PDE1C: variants seen among roughly 807,000 people sequenced by gnomAD.
PDE1C encodes phosphodiesterase 1C, also known as dual specificity calcium/calmodulin-dependent 3',5'-cyclic nucleotide phosphodiesterase 1C.
Under a neutral mutation model 93.1 loss-of-function variants are expected in PDE1C, and 62 were observed. The ratio of observed to expected loss-of-function variants is 0.67; its 90% CI spans 0.54 to 0.82. The LOEUF is 0.82. PDE1C is among the 40% of genes least tolerant of loss of function. The pLI is 0.00. For missense variants in PDE1C, 742 were observed against 884.6 expected, an observed-to-expected ratio of 0.84 and a Z score of 2.04; for synonymous variants, 325 against 310.1, an observed-to-expected ratio of 1.05 and a Z score of -0.50.
the PDE1C span, among the ~76,000 whole-genome samples, chr7:31,698,212 A>C: frequency 6.6e-6 from 1 of 152,180 alleles, no homozygotes; most frequent in East Asian, 1.9e-4. Context: ...ATAAAGAAAA[A>C]AATTGAAAAA....
At chr7:31,706,064 G>A in the PDE1C span, among the ~76,000 whole-genome samples, 10 of 133,648 alleles carry the variant, frequency 7.5e-5, no homozygotes, top group Non-Finnish European at 1.4e-4. Flanking sequence ...GAGTGCAGTG[G>A]TGTAATCTCG....
intron 1 of PDE1C, among the ~76,000 whole-genome samples, chr7:32,222,351 G>A (rs1165706430): frequency 6.6e-6 from 1 of 152,148 alleles, no homozygotes; most frequent in Non-Finnish European, 1.5e-5. Context: ...AGACTGAGCT[G>A]CCCTCAGCAG....
chr7:32,014,813 T>C (rs897109840), intron 2 of PDE1C, among the ~76,000 whole-genome samples: 1 of 152,186 alleles, frequency 6.6e-6, no homozygotes, highest in African/African-American at 2.4e-5. Context: ...TTCTAACCAA[T>C]GGTGCTACAA....
intron 1 of PDE1C, among the ~76,000 whole-genome samples, chr7:32,229,570 C>T (rs1463861177): frequency 6.6e-6 from 1 of 152,198 alleles, no homozygotes; most frequent in Non-Finnish European, 1.5e-5. Flanking sequence ...TAATTTCAAG[C>T]ATGTTCATAT....
rs1048459285 is a variant in PDE1C at position 32,299,155 on chromosome 7, C to G, written c.-420G>C. 20 of 1,002,556 alleles carry G rather than the reference C, an allele frequency of 2.0e-5. No individual in the cohort carries two copies. In the African/African-American group the frequency reaches 3.5e-4, roughly 17 times the overall value. The allele number at this position is 1,002,556 out of a possible 1,614,324, so 62.1% of individuals were successfully genotyped here. ...TTTCTACTTCACCTTCTCCTTCCGT[C>G]TCTGGTGGCTGGGGGGATTTGGGGA... On this transcript the variant is annotated 5_prime_UTR_variant, in exon 1 of 19. Transcript: ENST00000396193.
At chr7:32,029,567 T>A (rs1163246864) in intron 2 of PDE1C, among the ~76,000 whole-genome samples, 1 of 148,102 alleles carries the variant, frequency 6.8e-6, no homozygotes, top group Non-Finnish European at 1.5e-5. Flanking sequence ...GTAAGTGTAG[T>A]GAGGGGTGGG....
chr7:32,036,269 C>T (rs565881140), intron 2 of PDE1C, among the ~76,000 whole-genome samples: 40 of 152,236 alleles, frequency 2.6e-4, no homozygotes, highest in Non-Finnish European at 5.0e-4. Context: ...ATCCATCCTA[C>T]GGGTTTACTA....
chr7:32,236,973 A>C (rs1808131396), intron 1 of PDE1C, among the ~76,000 whole-genome samples: 2 of 152,264 alleles, frequency 1.3e-5, no homozygotes, highest in Admixed American at 1.3e-4. Flanking sequence ...CAAAGGAGAA[A>C]GCTACTGATA....
chr7:32,205,948 C>G (rs1252797942), intron 2 of PDE1C, among the ~76,000 whole-genome samples: 1 of 152,190 alleles, frequency 6.6e-6, no homozygotes, highest in Non-Finnish European at 1.5e-5. Context: ...AGAACTGTAA[C>G]ACTCACCAGG....
rs565375941 is a variant in PDE1C at position 32,258,405 on chromosome 7, A to G, written c.85+40246T>C. On this transcript the variant is annotated intron_variant, in intron 1 of 18. Coordinates refer to the PDE1C transcript ENST00000396193. Reference sequence around the variant, plus strand: ...GTTGACTATTACTTGCATCTTCCATACAGGAAAAAGACAATGACTCACTCA... The same window carrying G: ...GTTGACTATTACTTGCATCTTCCATGCAGGAAAAAGACAATGACTCACTCA... Among the ~76,000 whole-genome samples the G allele has an allele frequency of 4.6e-4, 70 of 152,318 alleles. 1 individual carries two copies. Among genetic ancestry groups the G allele is most frequent in the Admixed American group, 2.9e-3 (44 of 15,304 alleles).
At chr7:31,715,887 G>A in the PDE1C span, among the ~76,000 whole-genome samples, 1 of 152,192 alleles carries the variant, frequency 6.6e-6, no homozygotes, top group African/African-American at 2.4e-5. Context: ...TGCTGGTAGT[G>A]TGGCATTAAG....
At chr7:32,244,489 T>C (rs981654776) in intron 1 of PDE1C, among the ~76,000 whole-genome samples, 5 of 152,160 alleles carry the variant, frequency 3.3e-5, no homozygotes, top group African/African-American at 1.2e-4. Flanking sequence ...ACATTGAACA[T>C]AGAAAAAGGA....
chr7:32,272,060 G>T (rs1450869), intron 1 of PDE1C, among the ~76,000 whole-genome samples: 86,559 of 152,154 alleles, frequency 0.57, 26,029 homozygotes, highest in Admixed American at 0.68. Context: ...CCTGAGAAAT[G>T]AAGAAGCTCA....
At chr7:31,657,030 T>G in the PDE1C span, among the ~76,000 whole-genome samples, 1 of 148,000 alleles carries the variant, frequency 6.8e-6, no homozygotes, top group Non-Finnish European at 1.5e-5. Context: ...GTGTAATAAA[T>G]GTATGTGTAT....
chr7:32,338,799 C>T (rs796453158), intron 1 of PDE1C, among the ~76,000 whole-genome samples: 23 of 152,142 alleles, frequency 1.5e-4, no homozygotes, highest in African/African-American at 3.6e-4. Context: ...GTCAGGAGAT[C>T]GAGACCATCC....
intron 1 of PDE1C, among the ~76,000 whole-genome samples, chr7:32,293,298 A>G (rs1419505073): frequency 1.1e-4 from 16 of 152,180 alleles, no homozygotes; most frequent in Admixed American, 1.0e-3. Flanking sequence ...TCCAAAGCCC[A>G]GGGTTTCCCA....
At chr7:31,692,232 C>T in the PDE1C span, among the ~76,000 whole-genome samples, 1 of 152,080 alleles carries the variant, frequency 6.6e-6, no homozygotes. Flanking sequence ...TTTATTTTGG[C>T]TTAAATCTCA....
At chr7:31,847,936 G>A in intron 9 of PDE1C, 32 bp downstream of exon 9, 1 of 1,609,748 alleles carries the variant, frequency 6.2e-7, no homozygotes, top group Non-Finnish European at 8.5e-7. Flanking sequence ...TCCTTCCCTG[G>A]CCTACAAATC....
chr7:32,421,906 T>C (rs1304258070), intron 1 of PDE1C, among the ~76,000 whole-genome samples: 6 of 152,166 alleles, frequency 3.9e-5, no homozygotes, highest in Admixed American at 3.9e-4. Flanking sequence ...CACTGATGGC[T>C]AGGCAGGTTA....
Sources: allele counts gnomAD v4.1 joint callset (sites outside exome capture counted in the v4.1 genomes callset), GRCh38; gene constraint gnomAD v4.1.1; transcripts MANE v1.5; gene names NCBI Gene and HGNC (gene_info 2026-07-23, HGNC 2026-07-21).